The following FARS2 variants were observed in gnomAD, a reference collection of about 807,000 sequenced individuals.
FARS2 encodes phenylalanine--tRNA ligase, mitochondrial.
FARS2 carries 40 observed loss-of-function variants against 46.4 expected under a neutral mutation model. That is an observed-to-expected ratio of 0.86 (90% CI 0.67 to 1.12). The LOEUF (loss-of-function observed/expected upper bound fraction) is 1.12, where lower values mean the gene tolerates loss of function less well. Ranked by LOEUF, FARS2 falls within the 50% of genes most tolerant of loss-of-function variation. The pLI is 0.00. For synonymous variants in FARS2, 234 were observed against 214.9 expected (o/e 1.09, Z -0.78); for missense variants, 513 against 567.9 (o/e 0.90, Z 0.98).
At chr6:5,729,698 G>A (rs1399538871) in intron 6 of FARS2, among the ~76,000 whole-genome samples, 1 of 151,910 alleles carries the variant, frequency 6.6e-6, no homozygotes, top group Non-Finnish European at 1.5e-5. Flanking sequence ...AAGTACCTGT[G>A]CCCTCATTTT....
chr6:5,577,285 T>C (rs1056535270), intron 5 of FARS2, among the ~76,000 whole-genome samples: 1 of 152,182 alleles, frequency 6.6e-6, no homozygotes, highest in Non-Finnish European at 1.5e-5. Context: ...TAATAAACCC[T>C]GATTATTAGA....
chr6:5,577,419 AC>A (rs1250595650), intron 5 of FARS2, among the ~76,000 whole-genome samples: 3 of 152,262 alleles, frequency 2.0e-5, no homozygotes, highest in Non-Finnish European at 2.9e-5. Context: ...ACACAATACA[AC>A]AATAGCACTG....
chr6:5,332,887 G>T (rs969340671), intron 1 of FARS2, among the ~76,000 whole-genome samples: 1 of 152,196 alleles, frequency 6.6e-6, no homozygotes, highest in Non-Finnish European at 1.5e-5. Context: ...GTATTAAGGA[G>T]TAGAGAAGAG....
intron 5 of FARS2, among the ~76,000 whole-genome samples, chr6:5,551,871 G>A (rs1482913482): frequency 6.6e-6 from 1 of 152,052 alleles, no homozygotes; most frequent in Admixed American, 6.5e-5. Context: ...CTGAATTTTT[G>A]CCTCCCTCTT....
At chr6:5,289,801 G>A (rs1204056124) in intron 1 of FARS2, among the ~76,000 whole-genome samples, 1 of 152,228 alleles carries the variant, frequency 6.6e-6, no homozygotes, top group African/African-American at 2.4e-5. Context: ...AGAAGAGCAG[G>A]GAGGAGTAGC....
chr6:5,726,885 C>T (rs142271308), intron 6 of FARS2, among the ~76,000 whole-genome samples: 186 of 152,316 alleles, frequency 1.2e-3, no homozygotes, highest in African/African-American at 4.3e-3. Context: ...GGATCATGGC[C>T]CTTCCAGGGT....
At chr6:5,469,212 T>C (rs1765676883) in intron 4 of FARS2, among the ~76,000 whole-genome samples, 1 of 152,222 alleles carries the variant, frequency 6.6e-6, no homozygotes, top group Non-Finnish European at 1.5e-5. Flanking sequence ...CACTTCCTGC[T>C]GTTTTCCCTC....
chr6:5,266,324 A>G lies in FARS2; in HGVS notation c.-22+4664A>G, dbSNP rs61294310. ...ATGAGCTGAATCCTGATATGATTTG[A>G]GTTAGTCTTCCCATGACCTGATGGA... On this transcript the variant is annotated intron_variant, in intron 1 of 6. Transcript: ENST00000274680. 8.3e-3 allele frequency among the ~76,000 whole-genome samples: 1,256 copies of G among 152,192 alleles called. 4 individuals carry two copies. Among genetic ancestry groups the G allele is most frequent in the Middle Eastern group, 0.041 (12 of 294 alleles).
intron 6 of FARS2, among the ~76,000 whole-genome samples, chr6:5,639,702 G>A (rs532661155): frequency 9.9e-5 from 15 of 151,714 alleles, no homozygotes; most frequent in African/African-American, 3.4e-4. Context: ...AGTGCCAAGC[G>A]AGGCTCTTGA....
chr6:5,375,709 T>C (rs1435387444), intron 2 of FARS2, among the ~76,000 whole-genome samples: 2 of 152,084 alleles, frequency 1.3e-5, no homozygotes, highest in Admixed American at 6.6e-5. Context: ...ATAAGTGATA[T>C]TTCATATCAC....
In FARS2 at chr6:5,743,006, G is replaced by A. The variant is rs57077032; in HGVS notation, c.1218-28285G>A. Among the ~76,000 whole-genome samples, 1,462 of 152,122 alleles carry A rather than the reference G, an allele frequency of 9.6e-3. 25 individuals carry two copies. Among genetic ancestry groups the A allele is most frequent in the African/African-American group, 0.033 (1,378 of 41,514 alleles). On this transcript the variant is annotated intron_variant, in intron 6 of 6. Transcript: ENST00000274680. ...GGGGTGCGTGTGTTTGTGTGAGGGT[G>A]GAGTGGGGTGTATATAAGGCTCACA...
At chr6:5,447,045 C>T (rs1292421200) in intron 4 of FARS2, among the ~76,000 whole-genome samples, 1 of 152,198 alleles carries the variant, frequency 6.6e-6, no homozygotes, top group Non-Finnish European at 1.5e-5. Flanking sequence ...GAAGACCTTA[C>T]ATCTCATCCT....
chr6:5,401,392 TTAAC>T (rs1761244539), intron 2 of FARS2, among the ~76,000 whole-genome samples: 1 of 152,186 alleles, frequency 6.6e-6, no homozygotes. Flanking sequence ...AAAGTATTCT[TTAAC>T]TATTGCCTAT....
intron 6 of FARS2, among the ~76,000 whole-genome samples, chr6:5,616,849 G>A (rs1402221000): frequency 1.3e-5 from 2 of 152,126 alleles, no homozygotes; most frequent in Non-Finnish European, 2.9e-5. Context: ...AAAGTGGGAT[G>A]AGTAACCCTT....
chr6:5,760,880 T>C (rs188638626), intron 6 of FARS2, among the ~76,000 whole-genome samples: 1 of 152,370 alleles, frequency 6.6e-6, no homozygotes, highest in East Asian at 1.9e-4. Flanking sequence ...GGTGAACCAC[T>C]TTGTGGACAT....
At chr6:5,540,702 A>T (rs1214009696) in intron 4 of FARS2, among the ~76,000 whole-genome samples, 1 of 152,128 alleles carries the variant, frequency 6.6e-6, no homozygotes, top group Non-Finnish European at 1.5e-5. Flanking sequence ...TCAGGTTTAG[A>T]TGGGGAGAGA....
At chr6:5,703,099 C>CT (rs1342775940) in intron 6 of FARS2, among the ~76,000 whole-genome samples, 4 of 152,126 alleles carry the variant, frequency 2.6e-5, no homozygotes, top group African/African-American at 4.8e-5. Flanking sequence ...AAACAAATTA[C>CT]TTTTTTTAAA....
At chr6:5,428,817 G>A (rs181835693) in intron 3 of FARS2, among the ~76,000 whole-genome samples, 184 of 152,294 alleles carry the variant, frequency 1.2e-3, no homozygotes, top group Admixed American at 2.4e-3. Context: ...CTCAGGGGAC[G>A]TGGGGACAGT....
At chr6:5,381,258 A>G (rs1330358402) in intron 2 of FARS2, among the ~76,000 whole-genome samples, 1 of 151,752 alleles carries the variant, frequency 6.6e-6, no homozygotes, top group African/African-American at 2.4e-5. Context: ...CGGCCTCCCT[A>G]AGTGCTGGGA....
Sources: allele counts gnomAD v4.1 joint callset (sites outside exome capture counted in the v4.1 genomes callset), GRCh38; gene constraint gnomAD v4.1.1; transcripts MANE v1.5; gene names NCBI Gene and HGNC (gene_info 2026-07-23, HGNC 2026-07-21).